The following ARHGAP15 variants were observed in gnomAD, a reference collection of about 807,000 sequenced individuals.
The protein encoded by ARHGAP15 is Rho GTPase activating protein 15.
Under a neutral mutation model 63.7 loss-of-function variants are expected in ARHGAP15, and 51 were observed. The observed-to-expected ratio is 0.80, with a 90% CI of 0.64 to 1.01. ARHGAP15 has a LOEUF of 1.01. ARHGAP15 is among the 50% of genes least tolerant of loss of function. The pLI is 0.00. For missense variants in ARHGAP15, 560 were observed against 564.6 expected (o/e 0.99, Z 0.08); for synonymous variants, 191 against 193.8 (o/e 0.99, Z 0.12).
chr2:143,701,758 A>G (rs926956795), intron 12 of ARHGAP15, among the ~76,000 whole-genome samples: 1 of 152,088 alleles, frequency 6.6e-6, no homozygotes, highest in African/African-American at 2.4e-5. Context: ...CCAGAGGCAG[A>G]CAGTGCAGGA....
rs532471190 is a variant in ARHGAP15 at position 143,751,575 on chromosome 2, C to T, written c.1245-16414C>T. On this transcript the variant is annotated intron_variant, in intron 13 of 13. Coordinates refer to ENST00000295095, the MANE Select transcript of ARHGAP15 (RefSeq NM_018460.4). ...GGATGAACTACAAGCTCTGCAGCTACAGCTGGACCTGAGCCCAGCTCATTG... is the reference window on the plus strand; with the variant it reads ...GGATGAACTACAAGCTCTGCAGCTATAGCTGGACCTGAGCCCAGCTCATTG... 1.1e-3 allele frequency among the ~76,000 whole-genome samples: 171 copies of T among 152,320 alleles called. 3 individuals are homozygous for T. In the South Asian group the frequency reaches 0.03, roughly 27 times the overall value.
intron 4 of ARHGAP15, among the ~76,000 whole-genome samples, chr2:143,218,530 C>CA (rs140009523): frequency 0.14 from 21,132 of 151,906 alleles, 1,557 homozygotes; most frequent in Middle Eastern, 0.24. Context: ...ATGTGGCATT[C>CA]AAAAAAGAAT....
intron 6 of ARHGAP15, among the ~76,000 whole-genome samples, chr2:143,357,533 T>C (rs1181613696): frequency 1.3e-5 from 2 of 152,320 alleles, no homozygotes; most frequent in South Asian, 4.1e-4. Flanking sequence ...TAATGCTTGG[T>C]TCTTCTGTGC....
chr2:143,436,963 A>C lies in ARHGAP15; in HGVS notation c.624A>C (p.Gln208His). The C allele has an allele frequency of 6.2e-7, 1 of 1,611,740 alleles. No homozygotes were observed. Among genetic ancestry groups the C allele is most frequent in the East Asian group, 2.2e-5 (1 of 44,776 alleles). ...GAAACCTGGAATTATTCAAAATCCA[A>C]AGATCCTCTAGCACTGAATTGCTAA... is the stretch of plus-strand genomic sequence containing the variant. ...PSRNLELFKI[Q>H]RSSSTELLSH... Residue 208 changes from glutamine to histidine, a missense_variant, in exon 8 of 14, where the codon CAA becomes CAC. By Grantham distance (24) the Gln-to-His change is conservative. Transcript: ENST00000295095.
At chr2:143,764,327 C>T (rs1028288304) in intron 13 of ARHGAP15, among the ~76,000 whole-genome samples, 1 of 152,130 alleles carries the variant, frequency 6.6e-6, no homozygotes, top group Non-Finnish European at 1.5e-5. Flanking sequence ...ACATGGCTTT[C>T]CCCAAGGAGG....
At chr2:143,520,619 A>G (rs1280244140) in intron 10 of ARHGAP15, among the ~76,000 whole-genome samples, 3 of 152,210 alleles carry the variant, frequency 2.0e-5, no homozygotes, top group Non-Finnish European at 4.4e-5. Flanking sequence ...AAATGTTTTT[A>G]TTGCAAGTTG....
chr2:143,254,744 AC>A (rs1680332327), intron 6 of ARHGAP15, among the ~76,000 whole-genome samples: 1 of 152,114 alleles, frequency 6.6e-6, no homozygotes, highest in South Asian at 2.1e-4. Context: ...ATACATAGAA[AC>A]TATATCCCAT....
In ARHGAP15 at chr2:143,357,903, A is replaced by G. The variant is rs150129434; in HGVS notation, c.475-77698A>G. ...AAATAATGCATAGTTTTATTTTTCT[A>G]TCATTTGCATAAACCTTAAGAGAGT... is the stretch of plus-strand genomic sequence containing the variant. On this transcript the variant is annotated intron_variant, in intron 6 of 13. Transcript: ENST00000295095. Among the ~76,000 whole-genome samples the G allele has an allele frequency of 2.6e-5, 4 of 152,352 alleles. No homozygotes were observed. In the East Asian group the frequency reaches 7.7e-4, roughly 29 times the overall value.
At chr2:143,476,774 A>G (rs1331967195) in intron 8 of ARHGAP15, among the ~76,000 whole-genome samples, 2 of 152,186 alleles carry the variant, frequency 1.3e-5, no homozygotes, top group African/African-American at 4.8e-5. Flanking sequence ...TTTACAGTAC[A>G]AGAGTATTTG....
At chr2:143,318,819 T>C (rs1683856391) in intron 6 of ARHGAP15, among the ~76,000 whole-genome samples, 1 of 152,158 alleles carries the variant, frequency 6.6e-6, no homozygotes, top group South Asian at 2.1e-4. Flanking sequence ...GAAAAGTATC[T>C]TGACAACATT....
At chr2:143,335,957 T>C (rs1684752556) in intron 6 of ARHGAP15, among the ~76,000 whole-genome samples, 1 of 152,132 alleles carries the variant, frequency 6.6e-6, no homozygotes, top group Admixed American at 6.6e-5. Context: ...GAAGCTGGAA[T>C]AGTAAATGAA....
intron 6 of ARHGAP15, among the ~76,000 whole-genome samples, chr2:143,260,321 A>T (rs560493411): frequency 1.3e-5 from 2 of 152,282 alleles, no homozygotes; most frequent in African/African-American, 4.8e-5. Flanking sequence ...CTGTAATTTT[A>T]GTACGGTTTT....
intron 9 of ARHGAP15, among the ~76,000 whole-genome samples, chr2:143,495,015 C>A (rs1300408684): frequency 6.6e-6 from 1 of 152,146 alleles, no homozygotes; most frequent in Non-Finnish European, 1.5e-5. Context: ...CTTTGATTTA[C>A]CAGCTATTAA....
At chr2:143,474,727 G>A (rs1050435540) in intron 8 of ARHGAP15, among the ~76,000 whole-genome samples, 5 of 152,138 alleles carry the variant, frequency 3.3e-5, no homozygotes, top group Admixed American at 2.0e-4. Context: ...AAAGCTAGGC[G>A]CATTCACTCC....
intron 10 of ARHGAP15, among the ~76,000 whole-genome samples, chr2:143,550,723 CTT>C (rs1446459559): frequency 6.6e-6 from 1 of 152,166 alleles, no homozygotes; most frequent in African/African-American, 2.4e-5. Context: ...CAAGTTAAGT[CTT>C]AACTTTTGGG....
chr2:143,306,474 G>T (rs75264388), intron 6 of ARHGAP15, among the ~76,000 whole-genome samples: 5 of 152,188 alleles, frequency 3.3e-5, no homozygotes, highest in African/African-American at 1.2e-4. Flanking sequence ...GATAAATAGG[G>T]CTAATAATCA....
intron 5 of ARHGAP15, among the ~76,000 whole-genome samples, chr2:143,234,633 A>T (rs1472988141): frequency 1.3e-5 from 2 of 152,158 alleles, no homozygotes; most frequent in African/African-American, 4.8e-5. Flanking sequence ...TTCTTATTTT[A>T]CATTGCTCAT....
intron 9 of ARHGAP15, among the ~76,000 whole-genome samples, chr2:143,506,192 T>A (rs1693304296): frequency 6.6e-6 from 1 of 152,214 alleles, no homozygotes; most frequent in African/African-American, 2.4e-5. Flanking sequence ...AGTCAAAATT[T>A]CTACACTTTC....
At chr2:143,643,107 G>C (rs1235771321) in intron 12 of ARHGAP15, among the ~76,000 whole-genome samples, 1 of 152,056 alleles carries the variant, frequency 6.6e-6, no homozygotes, top group African/African-American at 2.4e-5. Flanking sequence ...CTGCAGGCAG[G>C]GAAACTCCAT....
Sources: gnomAD v4.1 joint callset for allele counts (sites outside exome capture counted in the v4.1 genomes callset) on GRCh38, gnomAD v4.1.1 for gene constraint, MANE v1.5 for transcripts, NCBI Gene and HGNC (gene_info 2026-07-23, HGNC 2026-07-21) for gene names.